Variants in CACNB2 observed in about 807,000 individuals in gnomAD.
The protein encoded by CACNB2 is calcium voltage-gated channel auxiliary subunit beta 2, also known as voltage-dependent L-type calcium channel subunit beta-2.
In CACNB2, 42 loss-of-function variants were observed where a neutral mutation model predicts 73.3. The observed-to-expected ratio is 0.57, with a 90% confidence interval of 0.45 to 0.74. The LOEUF (loss-of-function observed/expected upper bound fraction) is 0.74, where lower values mean the gene tolerates loss of function less well. Ranked by LOEUF, CACNB2 falls within the 30% of genes least tolerant of loss-of-function variation. The probability of loss-of-function intolerance (pLI) is 0.00; values close to 1 mark genes in which losing one functional copy is unlikely to be tolerated. For synonymous variants in CACNB2, 348 were observed against 310.3 expected (o/e 1.12, Z -1.28); for missense variants, 940 against 853.0 (o/e 1.10, Z -1.27).
At chr10:18,269,521 G>C (rs138350574) in intron 2 of CACNB2, among the ~76,000 whole-genome samples, 54 of 152,260 alleles carry the variant, frequency 3.5e-4, no homozygotes, top group African/African-American at 1.3e-3. Flanking sequence ...ATGCTCAAAA[G>C]AAAGAAAATC....
intron 3 of CACNB2, among the ~76,000 whole-genome samples, chr10:18,458,064 T>C (rs2047375345): frequency 6.6e-6 from 1 of 152,254 alleles, no homozygotes; most frequent in Non-Finnish European, 1.5e-5. Flanking sequence ...AATATTTTGA[T>C]GATGCAGAGA....
chr10:18,407,220 C>G lies in CACNB2; in HGVS notation c.333+5177C>G, dbSNP rs373386360. 2.1e-5 allele frequency among the ~76,000 whole-genome samples: 3 copies of G among 143,410 alleles called. No homozygotes were observed. The East Asian group carries it at 6.6e-4, about 32-fold the overall frequency. 94.1% of individuals were successfully genotyped at this position (143,410 alleles called of 152,430 possible). A position where few individuals can be genotyped will look rare whatever the true frequency, so the allele number is the denominator to read the frequency against. ...TCAGTGCAACTCCACCTCCCGGGTT[C>G]AAGCGATTCTCACACCTCAGCCTTC... is the stretch of plus-strand genomic sequence containing the variant. On this transcript the variant is annotated intron_variant, in intron 3 of 13. Coordinates refer to ENST00000324631, the MANE Select transcript of CACNB2 (RefSeq NM_201596.3).
chr10:18,302,569 T>C (rs923373094), intron 2 of CACNB2, among the ~76,000 whole-genome samples: 41 of 152,216 alleles, frequency 2.7e-4, no homozygotes, highest in African/African-American at 8.7e-4. Flanking sequence ...GATTGGATAC[T>C]GTTATCCTAA....
At chr10:18,522,133 G>A (rs1326991421) in intron 9 of CACNB2, among the ~76,000 whole-genome samples, 1 of 151,868 alleles carries the variant, frequency 6.6e-6, no homozygotes, top group Non-Finnish European at 1.5e-5. Context: ...ATGCTCCTTA[G>A]GACAGTCTAA....
intron 5 of CACNB2, among the ~76,000 whole-genome samples, chr10:18,504,257 G>A (rs758386798): frequency 5.3e-5 from 8 of 152,192 alleles, no homozygotes; most frequent in Non-Finnish European, 8.8e-5. Flanking sequence ...GAACTTGATC[G>A]AGGTCGCAGA....
At chr10:18,265,540 A>G (rs1274613383) in intron 2 of CACNB2, among the ~76,000 whole-genome samples, 2 of 152,216 alleles carry the variant, frequency 1.3e-5, no homozygotes, top group African/African-American at 4.8e-5. Context: ...GGCAAGGAGA[A>G]AAGCATCTGG....
rs754819061 is a variant in CACNB2, at chr10:18,260,484, C to T, written c.213+109509C>T. On this transcript the variant is annotated intron_variant, in intron 2 of 13. Transcript: ENST00000324631. ...ACAACTGTGCGCCGCAGTGCTTGAG[C>T]GAGTCAGGTCCTGAGGCCACTCTGG... is the stretch of plus-strand genomic sequence containing the variant. The T allele has an allele frequency of 1.3e-4, 132 of 985,274 alleles. 1 individual carries two copies. Among genetic ancestry groups the T allele is most frequent in the African/African-American group, 1.7e-4 (10 of 57,212 alleles). 61.0% of individuals were successfully genotyped at this position (985,274 alleles called of 1,614,324 possible).
chr10:18,306,832 G>T (rs972784889), intron 2 of CACNB2, among the ~76,000 whole-genome samples: 1 of 152,154 alleles, frequency 6.6e-6, no homozygotes, highest in African/African-American at 2.4e-5. Flanking sequence ...GAGGGTTAGA[G>T]ATCATGGGAA....
intron 3 of CACNB2, among the ~76,000 whole-genome samples, chr10:18,472,221 CTTTTTTTTTTTTTTTTT>C (rs200348808): frequency 0.013 from 1,535 of 119,428 alleles, 103 homozygotes; most frequent in South Asian, 0.12. Flanking sequence ...CACTTTTCTT[CTTTTTTTTTTTTTTTTT>C]TTTTTTTTTT....
At chr10:18,182,361 T>TA (rs1205956613) in intron 2 of CACNB2, among the ~76,000 whole-genome samples, 16 of 151,476 alleles carry the variant, frequency 1.1e-4, no homozygotes, top group Non-Finnish European at 2.4e-4. Flanking sequence ...GTAGAAGGGG[T>TA]AAAAATGTAA....
At chr10:18,406,412 A>G (rs1245187670) in intron 3 of CACNB2, among the ~76,000 whole-genome samples, 2 of 152,190 alleles carry the variant, frequency 1.3e-5, no homozygotes, top group Non-Finnish European at 2.9e-5. Flanking sequence ...AGCTTCATCT[A>G]TATTTACAGC....
intron 3 of CACNB2, among the ~76,000 whole-genome samples, chr10:18,465,133 C>G (rs1235125371): frequency 6.6e-6 from 1 of 152,188 alleles, no homozygotes; most frequent in African/African-American, 2.4e-5. Context: ...AGTTCAAGAC[C>G]AGCCTGGCCA....
intron 2 of CACNB2, among the ~76,000 whole-genome samples, chr10:18,169,831 A>G (rs1423556161): frequency 1.3e-5 from 2 of 152,194 alleles, no homozygotes; most frequent in African/African-American, 4.8e-5. Context: ...GTTGCAGGAG[A>G]CCACAAACAT....
chr10:18,410,985 A>C (rs949742584), intron 3 of CACNB2, among the ~76,000 whole-genome samples: 2 of 152,198 alleles, frequency 1.3e-5, no homozygotes, highest in Admixed American at 1.3e-4. Flanking sequence ...ATTTAAAAAA[A>C]ATAAAAAAGA....
chr10:18,183,566 G>A (rs1374063799), intron 2 of CACNB2, among the ~76,000 whole-genome samples: 2 of 152,204 alleles, frequency 1.3e-5, no homozygotes, highest in East Asian at 3.9e-4. Flanking sequence ...GCTTGTACAG[G>A]GGAACCCCTC....
chr10:18,195,715 ATAAGT>A (rs1365595892), intron 2 of CACNB2, among the ~76,000 whole-genome samples: 1 of 152,190 alleles, frequency 6.6e-6, no homozygotes, highest in Non-Finnish European at 1.5e-5. Context: ...GCATTCGTTG[ATAAGT>A]GGTGGGGCTC....
chr10:18,300,446 C>G (rs931790228), intron 2 of CACNB2, among the ~76,000 whole-genome samples: 2 of 152,162 alleles, frequency 1.3e-5, no homozygotes, highest in East Asian at 3.8e-4. Flanking sequence ...GTCTTATCAG[C>G]AAAAGTGATG....
At chr10:18,451,190 C>T (rs1261819281) in intron 3 of CACNB2, among the ~76,000 whole-genome samples, 7 of 152,182 alleles carry the variant, frequency 4.6e-5, no homozygotes, top group African/African-American at 1.7e-4. Context: ...GTGGTTCTTG[C>T]ATTTCTCCTT....
intron 7 of CACNB2, among the ~76,000 whole-genome samples, chr10:18,517,717 C>G (rs1218901408): frequency 2.6e-5 from 4 of 152,132 alleles, no homozygotes; most frequent in African/African-American, 9.7e-5. Flanking sequence ...GAGCAGGGAT[C>G]ATGATTACTG....
Sources: gnomAD v4.1 joint callset for allele counts (sites outside exome capture counted in the v4.1 genomes callset) on GRCh38, gnomAD v4.1.1 for gene constraint, MANE v1.5 for transcripts, NCBI Gene and HGNC (gene_info 2026-07-23, HGNC 2026-07-21) for gene names.